MYO3A: variants seen among roughly 807,000 people sequenced by gnomAD.
MYO3A encodes myosin-IIIa.
A neutral mutation model predicts 192.7 loss-of-function variants in MYO3A; 180 were observed. The observed-to-expected ratio is 0.93, with a 90% CI of 0.83 to 1.06. MYO3A has a LOEUF of 1.06. Among genes scored for constraint, MYO3A ranks in the 50% least tolerant of loss-of-function variants. The pLI, the probability that MYO3A is intolerant of heterozygous loss-of-function variation, is 0.00. For synonymous variants in MYO3A, 628 were observed against 645.3 expected (o/e 0.97, Z 0.41); for missense variants, 1,896 against 1,905.0 (o/e 1.00, Z 0.09).
chr10:26,166,383 A>G (rs1179246779), intron 27 of MYO3A: 1 of 601,830 alleles, frequency 1.7e-6, no homozygotes, highest in African/African-American at 1.9e-5. Flanking sequence ...ATTTCTTTTA[A>G]GAAATACAAA....
chr10:26,013,631 G>A (rs1841806980), intron 6 of MYO3A, among the ~76,000 whole-genome samples: 2 of 152,114 alleles, frequency 1.3e-5, no homozygotes, highest in Admixed American at 1.3e-4. Context: ...TGTTGGCAGG[G>A]ATATGGGGAA....
chr10:26,199,108 G>A (rs966217055), intron 32 of MYO3A, among the ~76,000 whole-genome samples: 36 of 152,178 alleles, frequency 2.4e-4, no homozygotes, highest in African/African-American at 8.7e-4. Flanking sequence ...ACAAATGTAA[G>A]CCTCCATCTT....
intron 6 of MYO3A, among the ~76,000 whole-genome samples, chr10:25,999,800 G>T (rs1423593208): frequency 6.6e-6 from 1 of 152,068 alleles, no homozygotes; most frequent in African/African-American, 2.4e-5. Context: ...TTAGAAAGTC[G>T]CCCACATCTA....
At chr10:26,115,760 C>A (rs977877170) in intron 17 of MYO3A, among the ~76,000 whole-genome samples, 3 of 152,116 alleles carry the variant, frequency 2.0e-5, no homozygotes, top group African/African-American at 7.2e-5. Flanking sequence ...CTGATAAGTG[C>A]CTTCTAAACT....
intron 10 of MYO3A, among the ~76,000 whole-genome samples, chr10:26,029,099 A>G (rs529557416): frequency 6.6e-6 from 1 of 152,322 alleles, no homozygotes; most frequent in African/African-American, 2.4e-5. Context: ...AGAGACCCAT[A>G]AATAATTGTC....
intron 4 of MYO3A, among the ~76,000 whole-genome samples, chr10:25,979,575 AG>A (rs1839185183): frequency 6.6e-6 from 1 of 152,012 alleles, no homozygotes; most frequent in Non-Finnish European, 1.5e-5. Flanking sequence ...ATATGACAGC[AG>A]ATTTAATATT....
intron 31 of MYO3A, among the ~76,000 whole-genome samples, chr10:26,183,650 G>A (rs951458536): frequency 6.6e-6 from 1 of 152,178 alleles, no homozygotes; most frequent in Non-Finnish European, 1.5e-5. Flanking sequence ...CTATAGGATG[G>A]GTAGAGGTGG....
chr10:26,172,181 G>A (rs774672364), intron 29 of MYO3A, among the ~76,000 whole-genome samples: 1 of 152,186 alleles, frequency 6.6e-6, no homozygotes, highest in African/African-American at 2.4e-5. Context: ...AGAGATCTGC[G>A]GGCCAGCACT....
Position 26,202,996 on chromosome 10 carries a change from A to G in MYO3A, c.4619A>G (p.Tyr1540Cys). The G allele has an allele frequency of 6.2e-7, 1 of 1,613,776 alleles. No homozygotes were observed. The highest frequency in any genetic ancestry group is 8.5e-7 in the Non-Finnish European group (1 of 1,179,768). The change falls in exon 34 of 35, where the codon TAT becomes TGT. Residue 1540 changes from tyrosine (Y) to cysteine (C), a missense_variant. By Grantham distance (194) the Tyr-to-Cys change is radical (BLOSUM62 -2). Coordinates refer to ENST00000642920, the MANE Select transcript of MYO3A (RefSeq NM_017433.5). ...AAATTATTAGATTTGGAAGATTTCT[A>G]TTATAAGGAATTTTTGCCCAGTCGT... ...QGKLLDLEDF[Y>C]YKEFLPSRSG...
At chr10:25,989,419 A>G (rs913716436) in intron 4 of MYO3A, among the ~76,000 whole-genome samples, 3 of 152,134 alleles carry the variant, frequency 2.0e-5, no homozygotes, top group Non-Finnish European at 4.4e-5. Flanking sequence ...TATGCAGCTA[A>G]AAGGGTATTA....
At chr10:26,007,963 C>T (rs1008401816) in intron 6 of MYO3A, among the ~76,000 whole-genome samples, 5 of 151,848 alleles carry the variant, frequency 3.3e-5, no homozygotes, top group African/African-American at 7.3e-5. Flanking sequence ...AAAGGCATCA[C>T]ACTACCTGAC....
chr10:25,938,292 GA>G, intron 2 of MYO3A, among the ~76,000 whole-genome samples: 1 of 152,278 alleles, frequency 6.6e-6, no homozygotes, highest in Middle Eastern at 3.4e-3. Context: ...TCCTGGGGCA[GA>G]AAAGGGTTTA....
intron 17 of MYO3A, among the ~76,000 whole-genome samples, chr10:26,099,666 A>G (rs949323085): frequency 6.6e-6 from 1 of 152,194 alleles, no homozygotes; most frequent in Non-Finnish European, 1.5e-5. Context: ...CTATTGAGAT[A>G]ATCATGTGGT....
At chr10:26,105,061 G>T (rs1336634219) in intron 17 of MYO3A, among the ~76,000 whole-genome samples, 2 of 151,964 alleles carry the variant, frequency 1.3e-5, no homozygotes, top group African/African-American at 4.8e-5. Flanking sequence ...CCCTTTTAAA[G>T]GTAGTATAAT....
intron 2 of MYO3A, among the ~76,000 whole-genome samples, chr10:25,940,002 G>A (rs913325762): frequency 6.6e-6 from 1 of 151,802 alleles, no homozygotes; most frequent in Non-Finnish European, 1.5e-5. Context: ...AATATATTTT[G>A]CCTGATATTG....
chr10:26,154,617 C>A (rs1398351429), intron 24 of MYO3A, 129 bp from the exon 25 acceptor site: 3 of 781,752 alleles, frequency 3.8e-6, no homozygotes, highest in East Asian at 2.7e-5. Flanking sequence ...GGAAGAATAT[C>A]AACATTTTGC....
chr10:26,106,684 A>G (rs73610392), intron 17 of MYO3A, among the ~76,000 whole-genome samples: 49 of 152,160 alleles, frequency 3.2e-4, no homozygotes, highest in African/African-American at 1.1e-3. Context: ...TGTTATTAGG[A>G]ATTCTGCTGA....
chr10:26,123,532 C>T (rs921048355), intron 18 of MYO3A, among the ~76,000 whole-genome samples: 5 of 152,010 alleles, frequency 3.3e-5, no homozygotes, highest in Non-Finnish European at 7.4e-5. Context: ...AATGATAGTC[C>T]GTGATGTCCA....
intron 30 of MYO3A, among the ~76,000 whole-genome samples, chr10:26,175,050 T>C (rs904406191): frequency 2.0e-5 from 3 of 152,146 alleles, no homozygotes; most frequent in African/African-American, 7.2e-5. Flanking sequence ...GAATGAACAG[T>C]CATGGAAAAT....
Sources: allele counts gnomAD v4.1 joint callset (sites outside exome capture counted in the v4.1 genomes callset), GRCh38; gene constraint gnomAD v4.1.1; transcripts MANE v1.5; gene names NCBI Gene and HGNC (gene_info 2026-07-23, HGNC 2026-07-21).